TAFA5: variants seen among roughly 807,000 people sequenced by gnomAD.
The protein encoded by TAFA5 is chemokine-like protein TAFA-5.
Under a neutral mutation model 15.3 loss-of-function variants are expected in TAFA5, and 6 were observed. That is an observed-to-expected ratio of 0.39 (90% CI 0.21 to 0.77). TAFA5 has a LOEUF of 0.77. Among genes scored for constraint, TAFA5 ranks in the 30% least tolerant of loss-of-function variants. TAFA5 has a pLI of 0.41. For missense variants in TAFA5, 161 were observed against 193.1 expected (o/e 0.83, Z 0.98); for synonymous variants, 103 against 80.7 (o/e 1.28, Z -1.48).
At position 48,710,352 on chromosome 22, in the gene TAFA5, G is replaced by T. The variant is rs557882859; in HGVS notation, c.390+2508G>T. On this transcript the variant is annotated intron_variant, in intron 3 of 3. Transcript: ENST00000402357. ...TTCATGGTGTTTTCCTTCACTGTTG[G>T]CCCAAACCCTGGACCCAGCCCTCCC... is the stretch of plus-strand genomic sequence containing the variant. 5.3e-5 allele frequency among the ~76,000 whole-genome samples: 8 copies of T among 152,190 alleles called. No homozygotes were observed. In the East Asian group the frequency reaches 1.5e-3, roughly 29 times the overall value.
chr22:48,565,560 C>T (rs953082359), intron 1 of TAFA5, among the ~76,000 whole-genome samples: 6 of 152,350 alleles, frequency 3.9e-5, no homozygotes, highest in South Asian at 2.1e-4. Flanking sequence ...GATGTTTTCC[C>T]CCATCCATTG....
chr22:48,692,777 G>A (rs553408120), intron 2 of TAFA5, among the ~76,000 whole-genome samples: 9 of 152,292 alleles, frequency 5.9e-5, no homozygotes, highest in African/African-American at 1.7e-4. Flanking sequence ...GTGGCCATAC[G>A]AGGGGCGTGT....
At chr22:48,571,158 C>A (rs893743587) in intron 1 of TAFA5, among the ~76,000 whole-genome samples, 28 of 152,114 alleles carry the variant, frequency 1.8e-4, no homozygotes, top group Non-Finnish European at 8.8e-5. Context: ...TATCTTTTCC[C>A]ATCAGAATCT....
intron 1 of TAFA5, among the ~76,000 whole-genome samples, chr22:48,542,470 ATG>A (rs772567095): frequency 1.1e-4 from 4 of 36,326 alleles, no homozygotes; most frequent in Admixed American, 3.2e-4. Context: ...TGTGTTGTGT[ATG>A]TGTGTGTGGT....
chr22:48,594,953 G>A (rs1448522202), intron 1 of TAFA5, among the ~76,000 whole-genome samples: 1 of 152,102 alleles, frequency 6.6e-6, no homozygotes, highest in Non-Finnish European at 1.5e-5. Context: ...CGGCTGAGCA[G>A]GGTGCCTGTA....
intron 1 of TAFA5, among the ~76,000 whole-genome samples, chr22:48,561,841 G>A (rs1053625042): frequency 6.6e-5 from 10 of 152,204 alleles, no homozygotes; most frequent in Admixed American, 3.9e-4. Context: ...GCACGGCTGC[G>A]TGGGGACCAG....
chr22:48,559,817 G>A (rs1003632875), intron 1 of TAFA5, among the ~76,000 whole-genome samples: 2 of 152,180 alleles, frequency 1.3e-5, no homozygotes, highest in Non-Finnish European at 2.9e-5. Flanking sequence ...GGCGGGGATG[G>A]AGGAAGGGAT....
At position 48,500,175 on chromosome 22, in the gene TAFA5, C is replaced by CAG. The variant is rs573450117; in HGVS notation, c.112+10471_112+10472insAG. On this transcript the variant is annotated intron_variant, in intron 1 of 3. Transcript: ENST00000402357. ...TTTAGGATGATAAAAACGGAGGTGACGCGGCAGGGTTGTACAGTTCTGTAT... is the reference window on the plus strand; with the variant it reads ...TTTAGGATGATAAAAACGGAGGTGACAGGCGGCAGGGTTGTACAGTTCTGTAT... 7.2e-5 allele frequency among the ~76,000 whole-genome samples: 11 copies of CAG among 152,120 alleles called. 1 individual carries two copies. In the South Asian group the frequency reaches 2.3e-3, roughly 32 times the overall value.
chr22:48,646,725 G>T lies in TAFA5; in HGVS notation c.241G>T (p.Ala81Ser), dbSNP rs763571154. The T allele has an allele frequency of 3.8e-6, 6 of 1,580,538 alleles. No individual in the cohort carries two copies. The highest frequency in any genetic ancestry group is 3.6e-5 in the Admixed American group (2 of 56,122). Reference sequence around the variant, plus strand: ...GGGGCAGATCGCCGGCACCACGAGAGCCCGGCCCGCCTGTGTGGACGGTAA... The same window carrying T: ...GGGGCAGATCGCCGGCACCACGAGATCCCGGCCCGCCTGTGTGGACGGTAA... ...RKGQIAGTTR[A>S]RPACVDARII... Residue 81 changes from alanine (A) to serine (S), a missense_variant, in exon 2 of 4, where the codon GCC becomes TCC. Transcript: ENST00000402357.
chr22:48,509,062 A>AT (rs1921115176), intron 1 of TAFA5, among the ~76,000 whole-genome samples: 1 of 152,118 alleles, frequency 6.6e-6, no homozygotes, highest in Admixed American at 6.5e-5. Context: ...AACAGGAGGT[A>AT]TTTATCTTTC....
chr22:48,552,706 C>T lies in TAFA5; in HGVS notation c.112+63002C>T, dbSNP rs904813905. Among the ~76,000 whole-genome samples the T allele has an allele frequency of 1.3e-5, 2 of 152,144 alleles. No individual in the cohort carries two copies. The highest frequency in any genetic ancestry group is 2.9e-5 in the Non-Finnish European group (2 of 68,012). On this transcript the variant is annotated intron_variant, in intron 1 of 3. Coordinates refer to ENST00000402357, the MANE Select transcript of TAFA5 (RefSeq NM_001082967.3). The surrounding 1 kb of genome is among the most constrained non-coding windows in gnomAD (Gnocchi z 4.1). ...TGATTCATTGATTTTGTCAAGGGTC[C>T]GTTTATCATACTGACAACTGGAAAA...
intron 1 of TAFA5, among the ~76,000 whole-genome samples, chr22:48,553,440 G>T (rs1922924875): frequency 6.6e-6 from 1 of 152,222 alleles, no homozygotes; most frequent in Non-Finnish European, 1.5e-5. Flanking sequence ...AGGGAAGCAG[G>T]ATGCAGGCTT....
intron 1 of TAFA5, chr22:48,539,447 A>G (rs945543951): frequency 4.0e-5 from 19 of 471,098 alleles, no homozygotes; most frequent in Middle Eastern, 3.2e-4. Context: ...CCCTCTTGGC[A>G]TCTGTTCTGA....
intron 3 of TAFA5, among the ~76,000 whole-genome samples, chr22:48,740,803 G>A (rs1930158345): frequency 6.6e-6 from 1 of 152,140 alleles, no homozygotes; most frequent in South Asian, 2.1e-4. Context: ...CTGAGGACAT[G>A]CCCCCGGCAG....
intron 1 of TAFA5, among the ~76,000 whole-genome samples, chr22:48,573,686 C>A (rs935588081): frequency 3.3e-5 from 5 of 152,242 alleles, no homozygotes; most frequent in African/African-American, 1.2e-4. Flanking sequence ...CCTGTCCCAC[C>A]TGTTGAAAGT....
chr22:48,634,949 G>A (rs1406584392), intron 1 of TAFA5, among the ~76,000 whole-genome samples: 5 of 152,230 alleles, frequency 3.3e-5, no homozygotes, highest in African/African-American at 1.2e-4. Flanking sequence ...CCACACCAAA[G>A]AGGAAAAGCA....
intron 1 of TAFA5, among the ~76,000 whole-genome samples, chr22:48,546,321 G>T (rs1051148711): frequency 2.6e-5 from 4 of 152,206 alleles, no homozygotes; most frequent in Non-Finnish European, 5.9e-5. Flanking sequence ...GTGCCTGCCC[G>T]TCCCAGGGCA....
rs536407115 is a variant in TAFA5 at position 48,675,065 on chromosome 22, C to T, written c.262+28319C>T. 4.6e-5 allele frequency among the ~76,000 whole-genome samples: 7 copies of T among 152,164 alleles called. No homozygotes were observed. The South Asian group carries it at 1.2e-3, about 27-fold the overall frequency. ...CAAGAGATTCTCCTGCCTTAGCCTC[C>T]CGAGTAGCTGGGATTACAGGTGCCC... is the stretch of plus-strand genomic sequence containing the variant. On this transcript the variant is annotated intron_variant, in intron 2 of 3. Coordinates refer to ENST00000402357, the MANE Select transcript of TAFA5 (RefSeq NM_001082967.3).
intron 1 of TAFA5, among the ~76,000 whole-genome samples, chr22:48,606,798 G>C (rs1224738438): frequency 6.6e-6 from 1 of 152,220 alleles, no homozygotes; most frequent in Admixed American, 6.5e-5. Flanking sequence ...CTCTTGGTGG[G>C]AGGAAAGGGG....
Sources: allele counts gnomAD v4.1 joint callset (sites outside exome capture counted in the v4.1 genomes callset), GRCh38; gene constraint gnomAD v4.1.1; non-coding constraint Gnocchi (gnomAD v3.1); transcripts MANE v1.5; gene names NCBI Gene and HGNC (gene_info 2026-07-23, HGNC 2026-07-21).